STK3: variants seen among roughly 807,000 people sequenced by gnomAD.
STK3 encodes serine/threonine-protein kinase 3.
STK3 carries 41 observed loss-of-function variants against 58.0 expected under a neutral mutation model. That is an observed-to-expected ratio of 0.71 (90% CI 0.55 to 0.92). The LOEUF (loss-of-function observed/expected upper bound fraction) is 0.92, where lower values mean the gene tolerates loss of function less well. Among genes scored for constraint, STK3 ranks in the 40% least tolerant of loss-of-function variants. The probability of loss-of-function intolerance (pLI) is 0.00; values close to 1 mark genes in which losing one functional copy is unlikely to be tolerated. For missense variants in STK3, 479 were observed against 602.7 expected (o/e 0.79, Z 2.15); for synonymous variants, 170 against 191.0 (o/e 0.89, Z 0.91).
intron 6 of STK3, among the ~76,000 whole-genome samples, chr8:98,655,646 A>C (rs1821427614): frequency 6.6e-6 from 1 of 151,664 alleles, no homozygotes; most frequent in Admixed American, 6.6e-5. Context: ...CAAGAAAAAA[A>C]CAAACAACCC....
At chr8:98,795,042 T>C (rs908047854) in intron 1 of STK3, among the ~76,000 whole-genome samples, 5 of 112,530 alleles carry the variant, frequency 4.4e-5, no homozygotes, top group East Asian at 2.9e-4. Flanking sequence ...CACTCCAGCC[T>C]GCGCAACAAG....
At chr8:98,476,272 A>G (rs1821303557) in intron 10 of STK3, among the ~76,000 whole-genome samples, 1 of 152,182 alleles carries the variant, frequency 6.6e-6, no homozygotes, top group Non-Finnish European at 1.5e-5. Flanking sequence ...CTTGGGAGCA[A>G]CTCAGTCCAG....
At position 98,620,563 on chromosome 8, in the gene STK3, A is replaced by C. The variant is rs567783778; in HGVS notation, c.685-24394T>G. ...AGGGAAATTAAAAAAAATACACTAA[A>C]CCGAATAAAAATGAAAATACAACAA... On this transcript the variant is annotated intron_variant, in intron 6 of 10. Transcript: ENST00000419617. Among the ~76,000 whole-genome samples, 119 of 151,492 alleles carry C rather than the reference A, an allele frequency of 7.9e-4. 2 individuals carry two copies. Among genetic ancestry groups the C allele is most frequent in the African/African-American group, 2.7e-3 (112 of 41,494 alleles).
intron 1 of STK3, among the ~76,000 whole-genome samples, chr8:98,885,304 C>G (rs1029692720): frequency 1.3e-5 from 2 of 152,238 alleles, no homozygotes; most frequent in African/African-American, 4.8e-5. Flanking sequence ...GGCTTCAGAC[C>G]AAGGACTTGC....
intron 1 of STK3, among the ~76,000 whole-genome samples, chr8:98,439,923 C>T (rs949155157): frequency 1.1e-4 from 17 of 152,166 alleles, no homozygotes; most frequent in Non-Finnish European, 1.9e-4. Flanking sequence ...TTGTCATCTG[C>T]CATGCACTAG....
intron 6 of STK3, among the ~76,000 whole-genome samples, chr8:98,627,371 A>G (rs1818800420): frequency 6.6e-6 from 1 of 151,894 alleles, no homozygotes; most frequent in African/African-American, 2.4e-5. Flanking sequence ...AAAATTAGCC[A>G]AGCGTGGTGG....
intron 6 of STK3, among the ~76,000 whole-genome samples, chr8:98,669,020 T>C (rs1822587517): frequency 7.1e-6 from 1 of 141,354 alleles, no homozygotes; most frequent in Non-Finnish European, 1.5e-5. Flanking sequence ...AGATGGAGTC[T>C]TGCTCTCGCT....
At chr8:98,676,797 C>T (rs1823246064) in intron 6 of STK3, among the ~76,000 whole-genome samples, 1 of 151,992 alleles carries the variant, frequency 6.6e-6, no homozygotes, top group South Asian at 2.1e-4. Context: ...TGCTTATTTC[C>T]ACAATATTTT....
At chr8:98,672,422 G>A (rs1004158515) in intron 6 of STK3, among the ~76,000 whole-genome samples, 2 of 152,024 alleles carry the variant, frequency 1.3e-5, no homozygotes, top group Non-Finnish European at 1.5e-5. Context: ...TTACAGCTTT[G>A]GGAAAGATCT....
chr8:98,556,338 A>T (rs1811584607), intron 8 of STK3, among the ~76,000 whole-genome samples: 1 of 152,112 alleles, frequency 6.6e-6, no homozygotes, highest in Admixed American at 6.6e-5. Flanking sequence ...CCATTCTCAG[A>T]GATAAAATCT....
At chr8:98,561,653 C>A (rs1252943746) in intron 8 of STK3, among the ~76,000 whole-genome samples, 4 of 152,016 alleles carry the variant, frequency 2.6e-5, no homozygotes, top group Non-Finnish European at 5.9e-5. Flanking sequence ...GAGACCCTGT[C>A]TCTAAAAAAA....
intron 1 of STK3, among the ~76,000 whole-genome samples, chr8:98,789,364 A>G (rs929725224): frequency 6.6e-6 from 1 of 152,176 alleles, no homozygotes; most frequent in African/African-American, 2.4e-5. Context: ...AACCAAGAAC[A>G]AACCAAACCC....
At chr8:98,691,117 A>T (rs1824375084) in intron 6 of STK3, among the ~76,000 whole-genome samples, 1 of 152,206 alleles carries the variant, frequency 6.6e-6, no homozygotes, top group African/African-American at 2.4e-5. Flanking sequence ...TACTATGTTC[A>T]CTATCTGGGT....
chr8:98,357,513 G>A, the STK3 span, among the ~76,000 whole-genome samples: 1 of 152,198 alleles, frequency 6.6e-6, no homozygotes, highest in Non-Finnish European at 1.5e-5. Context: ...AGCCACCATG[G>A]TTGGAGGTGT....
intron 6 of STK3, among the ~76,000 whole-genome samples, chr8:98,610,865 G>T (rs983268063): frequency 6.6e-6 from 1 of 152,150 alleles, no homozygotes; most frequent in Non-Finnish European, 1.5e-5. Context: ...CCTGATTCGA[G>T]TTAAAATATT....
intron 1 of STK3, among the ~76,000 whole-genome samples, chr8:98,891,165 T>G (rs988195736): frequency 7.2e-5 from 11 of 152,268 alleles, no homozygotes; most frequent in Non-Finnish European, 2.9e-5. Context: ...AGCCACGTGC[T>G]GCGCCTTTTG....
At chr8:98,484,641 C>A (rs1394272147) in intron 10 of STK3, among the ~76,000 whole-genome samples, 3 of 151,134 alleles carry the variant, frequency 2.0e-5, no homozygotes, top group African/African-American at 7.3e-5. Flanking sequence ...AAGACAGGTA[C>A]CTTTGGGGAA....
chr8:98,937,136 A>G (rs1840226001), intron 1 of STK3, among the ~76,000 whole-genome samples: 1 of 152,232 alleles, frequency 6.6e-6, no homozygotes, highest in Admixed American at 6.5e-5. Context: ...TTCTCCCAAA[A>G]AACTATGAGG....
intron 8 of STK3, among the ~76,000 whole-genome samples, chr8:98,554,640 T>C (rs1314747495): frequency 6.6e-6 from 1 of 151,992 alleles, no homozygotes; most frequent in Admixed American, 6.6e-5. Context: ...AAAATAGCAA[T>C]AAAAATAGCA....
Sources: gnomAD v4.1 joint callset for allele counts (sites outside exome capture counted in the v4.1 genomes callset) on GRCh38, gnomAD v4.1.1 for gene constraint, MANE v1.5 for transcripts, NCBI Gene and HGNC (gene_info 2026-07-23, HGNC 2026-07-21) for gene names.